The following PLCE1 variants were observed in gnomAD, a reference collection of about 807,000 sequenced individuals.
PLCE1 encodes the protein phospholipase C epsilon 1, also known as 1-phosphatidylinositol 4,5-bisphosphate phosphodiesterase epsilon-1.
PLCE1 carries 119 observed loss-of-function variants against 242.8 expected under a neutral mutation model. That is an observed-to-expected ratio of 0.49 (90% CI 0.42 to 0.57). The LOEUF is 0.57. Among genes scored for constraint, PLCE1 ranks in the 20% least tolerant of loss-of-function variants. PLCE1 has a pLI of 0.00. For missense variants in PLCE1, 2,441 were observed against 2,788.8 expected, an observed-to-expected ratio of 0.88 and a Z score of 2.81; for synonymous variants, 945 against 1,017.4, an observed-to-expected ratio of 0.93 and a Z score of 1.35.
Position 94,138,660 on chromosome 10 carries a change from G to A in PLCE1, c.1492+6201G>A, listed in dbSNP as rs565208406. The A allele has an allele frequency of 1.9e-4, 63 of 331,432 alleles. 2 individuals are homozygous for A. Among genetic ancestry groups the A allele is most frequent in the South Asian group, 1.7e-3 (61 of 35,528 alleles). The allele number at this position is 331,432 out of a possible 1,614,324, so 20.5% of individuals were successfully genotyped here. A position where few individuals can be genotyped will look rare whatever the true frequency, so the allele number is the denominator to read the frequency against. The stretch of plus-strand genomic sequence containing the variant: ...GCTGATGCTGATGCTAGGAGGAGGT[G>A]TTACATCATTCGCAATGTCACCTGC... On this transcript the variant is annotated intron_variant, in intron 3 of 32. Transcript: ENST00000371380.
intron 7 of PLCE1, among the ~76,000 whole-genome samples, chr10:94,237,230 T>C (rs891065328): frequency 1.3e-5 from 2 of 152,176 alleles, no homozygotes; most frequent in African/African-American, 4.8e-5. Flanking sequence ...ATAATGAATT[T>C]CATATGGCTC....
chr10:94,193,695 G>A (rs2048736216), intron 4 of PLCE1, among the ~76,000 whole-genome samples: 1 of 152,130 alleles, frequency 6.6e-6, no homozygotes, highest in African/African-American at 2.4e-5. Flanking sequence ...TTATACTCTG[G>A]GGGCCAAAAC....
intron 4 of PLCE1, among the ~76,000 whole-genome samples, chr10:94,191,147 C>T (rs1298816535): frequency 2.0e-5 from 3 of 152,134 alleles, no homozygotes; most frequent in African/African-American, 7.2e-5. Context: ...TATCATATTA[C>T]CCTGAGCCAG....
At chr10:94,131,463 T>C (rs778653710) in intron 2 of PLCE1, among the ~76,000 whole-genome samples, 4 of 152,206 alleles carry the variant, frequency 2.6e-5, no homozygotes, top group Non-Finnish European at 5.9e-5. Context: ...ATTGGAGACA[T>C]GGTTAGGAAC....
At chr10:94,005,591 C>G (rs1443566764) in intron 1 of PLCE1, among the ~76,000 whole-genome samples, 1 of 152,194 alleles carries the variant, frequency 6.6e-6, no homozygotes, top group Non-Finnish European at 1.5e-5. Flanking sequence ...GATTCTAAGC[C>G]TCTCCACAGC....
intron 4 of PLCE1, among the ~76,000 whole-genome samples, chr10:94,182,463 T>C: frequency 6.6e-6 from 1 of 150,592 alleles, no homozygotes; most frequent in East Asian, 2.0e-4. Context: ...AGAGATGGGG[T>C]TTCACCATGT....
At chr10:94,312,541 GA>G (rs1160202749) in intron 27 of PLCE1, among the ~76,000 whole-genome samples, 1 of 152,160 alleles carries the variant, frequency 6.6e-6, no homozygotes, top group Non-Finnish European at 1.5e-5. Context: ...ATTTGGTTCA[GA>G]TACCATTTTT....
At position 94,093,782 on chromosome 10, in the gene PLCE1, G is replaced by A. The variant is rs143106333; in HGVS notation, c.1207-38392G>A. Among the ~76,000 whole-genome samples the A allele has an allele frequency of 5.3e-3, 812 of 152,144 alleles. 7 individuals are homozygous for A. The highest frequency in any genetic ancestry group is 0.018 in the African/African-American group (764 of 41,508). On this transcript the variant is annotated intron_variant, in intron 2 of 32. Coordinates refer to ENST00000371380, the MANE Select transcript of PLCE1 (RefSeq NM_016341.4). ...TCACTCATGACCTGCACTCTGTGTC[G>A]CAGAGTAGAATAGTGATGGTGGTCT...
intron 2 of PLCE1, among the ~76,000 whole-genome samples, chr10:94,033,034 A>G (rs1001250882): frequency 2.6e-5 from 4 of 152,080 alleles, no homozygotes; most frequent in Non-Finnish European, 4.4e-5. Flanking sequence ...CTGTAACACT[A>G]TTTACATAGT....
At chr10:94,164,276 C>G (rs1271890719) in intron 3 of PLCE1, among the ~76,000 whole-genome samples, 1 of 152,210 alleles carries the variant, frequency 6.6e-6, no homozygotes, top group Non-Finnish European at 1.5e-5. Flanking sequence ...CTCCCCATCA[C>G]TTTCAGGTAC....
intron 19 of PLCE1, among the ~76,000 whole-genome samples, chr10:94,274,855 C>A (rs371094825): frequency 7.2e-5 from 11 of 152,186 alleles, no homozygotes; most frequent in African/African-American, 2.6e-4. Context: ...TGCTGATGGG[C>A]CTTGTTACAA....
chr10:94,024,906 G>A (rs2061430480), intron 1 of PLCE1, among the ~76,000 whole-genome samples: 1 of 152,054 alleles, frequency 6.6e-6, no homozygotes, highest in African/African-American at 2.4e-5. Context: ...CCTAAAATAG[G>A]TATGATAATA....
chr10:94,277,997 G>A (rs1431008959), intron 19 of PLCE1, among the ~76,000 whole-genome samples: 2 of 152,020 alleles, frequency 1.3e-5, no homozygotes, highest in African/African-American at 2.4e-5. Flanking sequence ...AACACCCACC[G>A]AGCTCCATAA....
At chr10:94,153,623 C>T (rs562642157) in intron 3 of PLCE1, among the ~76,000 whole-genome samples, 3 of 152,198 alleles carry the variant, frequency 2.0e-5, no homozygotes, top group Admixed American at 6.5e-5. Context: ...AGATGATCTA[C>T]TCAAAGATAG....
At chr10:94,256,872 GA>G (rs1419491879) in intron 11 of PLCE1, among the ~76,000 whole-genome samples, 2 of 152,218 alleles carry the variant, frequency 1.3e-5, no homozygotes, top group Non-Finnish European at 2.9e-5. Context: ...AAGCTAGACT[GA>G]ATCCTAAGTC....
intron 2 of PLCE1, among the ~76,000 whole-genome samples, chr10:94,070,740 C>T (rs1207306860): frequency 3.3e-5 from 5 of 152,172 alleles, no homozygotes; most frequent in African/African-American, 1.2e-4. Flanking sequence ...GAAGTTTCCA[C>T]CATGGTTCTT....
intron 2 of PLCE1, among the ~76,000 whole-genome samples, chr10:94,085,655 G>T (rs2044794226): frequency 6.6e-6 from 1 of 152,200 alleles, no homozygotes; most frequent in Non-Finnish European, 1.5e-5. Flanking sequence ...GGCACTAAAG[G>T]GGGAACTAGT....
At chr10:94,220,935 C>T (rs2049721350) in intron 4 of PLCE1, among the ~76,000 whole-genome samples, 1 of 152,176 alleles carries the variant, frequency 6.6e-6, no homozygotes, top group African/African-American at 2.4e-5. Context: ...CACCGTGCTG[C>T]CTCCCTCCAG....
chr10:94,102,686 A>G (rs1213935445), intron 2 of PLCE1, among the ~76,000 whole-genome samples: 2 of 152,182 alleles, frequency 1.3e-5, no homozygotes, highest in African/African-American at 2.4e-5. Flanking sequence ...CGCCTCTCCC[A>G]TGGCTATCCT....
Sources: gnomAD v4.1 joint callset for allele counts (sites outside exome capture counted in the v4.1 genomes callset) on GRCh38, gnomAD v4.1.1 for gene constraint, MANE v1.5 for transcripts, NCBI Gene and HGNC (gene_info 2026-07-23, HGNC 2026-07-21) for gene names.